CNTNAP5: variants seen among roughly 807,000 people sequenced by gnomAD.
CNTNAP5 encodes contactin-associated protein-like 5.
A neutral mutation model predicts 150.2 loss-of-function variants in CNTNAP5; 72 were observed. The ratio of observed to expected loss-of-function variants is 0.48; its 90% CI spans 0.40 to 0.58. CNTNAP5 has a LOEUF of 0.58. CNTNAP5 is among the 20% of genes least tolerant of loss of function. The pLI, the probability that CNTNAP5 is intolerant of heterozygous loss-of-function variation, is 0.00. For synonymous variants in CNTNAP5, 672 were observed against 619.8 expected, an observed-to-expected ratio of 1.08 and a Z score of -1.25; for missense variants, 1,636 against 1,626.2, an observed-to-expected ratio of 1.01 and a Z score of -0.10.
intron 18 of CNTNAP5, among the ~76,000 whole-genome samples, chr2:124,791,429 T>C (rs1681726527): frequency 1.3e-5 from 2 of 152,192 alleles, no homozygotes; most frequent in Non-Finnish European, 2.9e-5. Context: ...AAAGTGCTGC[T>C]AGGTATTCAC....
rs563226096 is a variant in CNTNAP5, at chr2:124,067,505, T to G, written c.82+41773T>G. On this transcript the variant is annotated intron_variant, in intron 1 of 23. Coordinates refer to ENST00000682447, the MANE Select transcript of CNTNAP5 (RefSeq NM_001367498.1). ...TCCTATAAGATAAGTGTAATTGCCT[T>G]TAGATCCCCACAGATAACCCTGGAT... is the stretch of plus-strand genomic sequence containing the variant. Among the ~76,000 whole-genome samples, 3 of 152,296 alleles carry G rather than the reference T, an allele frequency of 2.0e-5. No homozygotes were observed. The East Asian group carries it at 5.8e-4, about 29-fold the overall frequency.
chr2:124,154,536 G>A (rs1002518951), intron 1 of CNTNAP5, among the ~76,000 whole-genome samples: 4 of 152,248 alleles, frequency 2.6e-5, no homozygotes, highest in Admixed American at 6.5e-5. Context: ...CAGCCAAGGA[G>A]CAAAAATTAT....
intron 19 of CNTNAP5, among the ~76,000 whole-genome samples, chr2:124,805,422 C>T (rs1206798639): frequency 1.3e-5 from 2 of 152,120 alleles, no homozygotes; most frequent in East Asian, 3.9e-4. Flanking sequence ...TTGCACAATA[C>T]ACCTGGGGCA....
At chr2:124,673,684 C>A (rs1573538849) in intron 13 of CNTNAP5, among the ~76,000 whole-genome samples, 1 of 150,800 alleles carries the variant, frequency 6.6e-6, no homozygotes, top group South Asian at 2.1e-4. Context: ...ATTTAATAAT[C>A]ACGTATTATT....
At chr2:124,479,982 G>C (rs188555411) in intron 7 of CNTNAP5, among the ~76,000 whole-genome samples, 296 of 152,234 alleles carry the variant, frequency 1.9e-3, no homozygotes, top group Non-Finnish European at 3.0e-3. Flanking sequence ...CAGTAGATTG[G>C]AGCTATTAAT....
At chr2:124,349,683 T>C (rs1020413662) in intron 3 of CNTNAP5, among the ~76,000 whole-genome samples, 4 of 152,128 alleles carry the variant, frequency 2.6e-5, no homozygotes, top group Admixed American at 2.6e-4. Flanking sequence ...AAATTACACT[T>C]ACTTCAATGA....
chr2:124,113,506 A>ATGTGTGTGTG (rs138877401), intron 1 of CNTNAP5, among the ~76,000 whole-genome samples: 20 of 142,878 alleles, frequency 1.4e-4, no homozygotes, highest in South Asian at 6.9e-4. Flanking sequence ...ATACATATAT[A>ATGTGTGTGTG]TGTGTGTGTG....
chr2:124,647,279 A>G (rs1250259742), intron 12 of CNTNAP5, among the ~76,000 whole-genome samples: 3 of 152,124 alleles, frequency 2.0e-5, no homozygotes, highest in Non-Finnish European at 4.4e-5. Context: ...ACACAATCTC[A>G]ACCTTGTTCT....
intron 10 of CNTNAP5, among the ~76,000 whole-genome samples, chr2:124,535,084 A>T (rs907128737): frequency 3.3e-5 from 5 of 152,106 alleles, no homozygotes; most frequent in African/African-American, 1.2e-4. Flanking sequence ...TGAACCTCAC[A>T]ATCTATACAT....
At chr2:124,122,576 T>G (rs1683589486) in intron 1 of CNTNAP5, among the ~76,000 whole-genome samples, 1 of 152,158 alleles carries the variant, frequency 6.6e-6, no homozygotes, top group Admixed American at 6.5e-5. Context: ...ATTAGCACAT[T>G]CCACACTTTA....
intron 20 of CNTNAP5, among the ~76,000 whole-genome samples, chr2:124,866,367 C>T (rs1263270219): frequency 2.0e-5 from 3 of 152,176 alleles, no homozygotes; most frequent in Non-Finnish European, 4.4e-5. Context: ...CTAATGTCTG[C>T]TCAGGTTTGC....
At chr2:124,850,273 A>G (rs150574283) in intron 19 of CNTNAP5, among the ~76,000 whole-genome samples, 1 of 152,220 alleles carries the variant, frequency 6.6e-6, no homozygotes, top group Non-Finnish European at 1.5e-5. Flanking sequence ...TAACAGATGT[A>G]ATAAATTAAG....
intron 11 of CNTNAP5, among the ~76,000 whole-genome samples, chr2:124,595,822 TA>T (rs1316511664): frequency 7.3e-6 from 1 of 137,766 alleles, no homozygotes; most frequent in Non-Finnish European, 1.6e-5. Flanking sequence ...CAGCTCCTGT[TA>T]TTGGTCTATT....
chr2:124,199,189 G>T (rs778925663), intron 1 of CNTNAP5, among the ~76,000 whole-genome samples: 2 of 152,034 alleles, frequency 1.3e-5, no homozygotes, highest in Non-Finnish European at 2.9e-5. Flanking sequence ...AAGCAAAGCT[G>T]GAAGGAGAAA....
intron 19 of CNTNAP5, among the ~76,000 whole-genome samples, chr2:124,829,193 G>C (rs534100261): frequency 6.6e-6 from 1 of 152,288 alleles, no homozygotes; most frequent in Non-Finnish European, 1.5e-5. Context: ...CATCATTCCA[G>C]AGTCAGGGGC....
chr2:124,395,309 G>A (rs1691218354), intron 3 of CNTNAP5, among the ~76,000 whole-genome samples: 1 of 152,134 alleles, frequency 6.6e-6, no homozygotes, highest in African/African-American at 2.4e-5. Flanking sequence ...GTTGAGCAGA[G>A]AGAAAGTTAG....
At chr2:124,063,153 G>A (rs575597213) in intron 1 of CNTNAP5, among the ~76,000 whole-genome samples, 3 of 151,782 alleles carry the variant, frequency 2.0e-5, no homozygotes, top group Non-Finnish European at 4.4e-5. Flanking sequence ...ATTCCCCACC[G>A]AAACGGAAAA....
chr2:124,034,051 C>A (rs1681137972), intron 1 of CNTNAP5, among the ~76,000 whole-genome samples: 1 of 152,078 alleles, frequency 6.6e-6, no homozygotes, highest in Admixed American at 6.5e-5. Context: ...CCTATTTTTG[C>A]CCAGGCTGAA....
chr2:124,314,883 T>C (rs773316935), intron 3 of CNTNAP5, among the ~76,000 whole-genome samples: 2 of 152,148 alleles, frequency 1.3e-5, no homozygotes, highest in Admixed American at 6.5e-5. Context: ...TTAGTGTCGG[T>C]TGCAATTTTT....
Sources: gnomAD v4.1 joint callset for allele counts (sites outside exome capture counted in the v4.1 genomes callset) on GRCh38, gnomAD v4.1.1 for gene constraint, MANE v1.5 for transcripts, NCBI Gene and HGNC (gene_info 2026-07-23, HGNC 2026-07-21) for gene names.